The following KIAA1217 variants were observed in gnomAD, a reference collection of about 807,000 sequenced individuals.
KIAA1217 encodes the protein sickle tail protein homolog.
KIAA1217 carries 88 observed loss-of-function variants against 163.9 expected under a neutral mutation model. The ratio of observed to expected loss-of-function variants is 0.54; its 90% CI spans 0.45 to 0.64. KIAA1217 has a LOEUF of 0.64. KIAA1217 is among the 30% of genes least tolerant of loss of function. The probability of loss-of-function intolerance (pLI) is 0.00; values close to 1 mark genes in which losing one functional copy is unlikely to be tolerated. For missense variants in KIAA1217, 2,372 were observed against 2,475.0 expected (o/e 0.96, Z 0.88); for synonymous variants, 903 against 923.1 (o/e 0.98, Z 0.39).
chr10:24,189,647 A>G (rs1178702035), intron 2 of KIAA1217, among the ~76,000 whole-genome samples: 3 of 152,318 alleles, frequency 2.0e-5, no homozygotes, highest in Admixed American at 2.0e-4. Flanking sequence ...GCCTTCAGAA[A>G]TGGAGATCCA....
At chr10:24,134,783 C>T (rs981540559) in intron 2 of KIAA1217, among the ~76,000 whole-genome samples, 1 of 152,074 alleles carries the variant, frequency 6.6e-6, no homozygotes, top group Non-Finnish European at 1.5e-5. Flanking sequence ...CACTGTGTTG[C>T]CCAAGCTGAT....
intron 2 of KIAA1217, among the ~76,000 whole-genome samples, chr10:24,370,193 A>T (rs1003617552): frequency 1.4e-5 from 2 of 143,602 alleles, no homozygotes; most frequent in African/African-American, 2.6e-5. Context: ...TGAACCCGGG[A>T]GGCGGAGCCT....
chr10:23,975,390 G>A (rs1453360781), intron 1 of KIAA1217, among the ~76,000 whole-genome samples: 1 of 152,198 alleles, frequency 6.6e-6, no homozygotes, highest in East Asian at 1.9e-4. Flanking sequence ...ATTTCAACCT[G>A]CTGTCCCAGC....
At chr10:24,530,424 T>C (rs984414002) in intron 14 of KIAA1217, among the ~76,000 whole-genome samples, 1 of 152,222 alleles carries the variant, frequency 6.6e-6, no homozygotes, top group Non-Finnish European at 1.5e-5. Flanking sequence ...GTAGCATCCG[T>C]GACCTGTAAA....
At chr10:23,730,394 A>T (rs1030374457) in intron 1 of KIAA1217, among the ~76,000 whole-genome samples, 4 of 152,196 alleles carry the variant, frequency 2.6e-5, no homozygotes, top group Non-Finnish European at 5.9e-5. Context: ...TTTGGCGAAT[A>T]CCGTACTGCC....
intron 2 of KIAA1217, among the ~76,000 whole-genome samples, chr10:24,021,715 A>G (rs545012278): frequency 6.6e-6 from 1 of 151,922 alleles, no homozygotes; most frequent in Admixed American, 6.6e-5. Context: ...CTATAAAGCT[A>G]TAGTAATCAA....
chr10:24,499,081 G>A (rs1439191145), intron 8 of KIAA1217, among the ~76,000 whole-genome samples: 2 of 152,196 alleles, frequency 1.3e-5, no homozygotes, highest in Non-Finnish European at 2.9e-5. Flanking sequence ...CTTGTTATCA[G>A]AAATGATATG....
intron 2 of KIAA1217, among the ~76,000 whole-genome samples, chr10:24,329,332 A>G (rs1414266481): frequency 6.6e-6 from 1 of 150,876 alleles, no homozygotes; most frequent in East Asian, 1.9e-4. Flanking sequence ...TATATTATAC[A>G]TAGTGTAAAT....
chr10:24,258,654 G>A lies in KIAA1217; in HGVS notation c.354+38745G>A, dbSNP rs1473898233. Among the ~76,000 whole-genome samples the A allele has an allele frequency of 6.0e-5, 9 of 150,796 alleles. No individual in the cohort carries two copies. The East Asian group carries it at 1.2e-3, about 20-fold the overall frequency. On this transcript the variant is annotated intron_variant, in intron 2 of 20. Transcript: ENST00000376454. ...GTCACCCAGGCTGGAGTGCAGTGGC[G>A]CGATCTCGGCTCATTGCAAGCTCCA...
intron 2 of KIAA1217, among the ~76,000 whole-genome samples, chr10:24,195,750 T>TA (rs2066954826): frequency 6.6e-6 from 1 of 152,222 alleles, no homozygotes; most frequent in East Asian, 1.9e-4. Context: ...TGAAATGTGC[T>TA]AAGAAAGGGA....
chr10:23,771,669 CT>C (rs5783862), intron 1 of KIAA1217, among the ~76,000 whole-genome samples: 3,284 of 152,254 alleles, frequency 0.022, 111 homozygotes, highest in African/African-American at 0.073. Flanking sequence ...CATCTTGTGG[CT>C]TTTTTGATAC....
At chr10:24,151,058 G>A (rs2064588063) in intron 2 of KIAA1217, among the ~76,000 whole-genome samples, 1 of 152,118 alleles carries the variant, frequency 6.6e-6, no homozygotes. Context: ...GACAAAGCTG[G>A]AGGAACAGAG....
At chr10:24,539,652 C>G (rs560205148) in intron 17 of KIAA1217, among the ~76,000 whole-genome samples, 1 of 152,300 alleles carries the variant, frequency 6.6e-6, no homozygotes, top group South Asian at 2.1e-4. Flanking sequence ...GAGTGCCCAA[C>G]ACTGAGTTTA....
chr10:23,893,364 TA>T (rs1300083834), intron 1 of KIAA1217, among the ~76,000 whole-genome samples: 2 of 152,104 alleles, frequency 1.3e-5, no homozygotes, highest in African/African-American at 4.8e-5. Flanking sequence ...TTATTGCATC[TA>T]TTTGATTCTT....
chr10:23,713,079 G>C (rs1837356879), intron 1 of KIAA1217, among the ~76,000 whole-genome samples: 1 of 152,106 alleles, frequency 6.6e-6, no homozygotes, highest in African/African-American at 2.4e-5. Flanking sequence ...ATGGAAAAGA[G>C]CTGGGGAGGA....
intron 2 of KIAA1217, among the ~76,000 whole-genome samples, chr10:24,200,677 G>A (rs1032858236): frequency 2.0e-5 from 3 of 152,132 alleles, no homozygotes; most frequent in Non-Finnish European, 4.4e-5. Context: ...TTCGAATTCT[G>A]TAAAGGAGAA....
intron 2 of KIAA1217, among the ~76,000 whole-genome samples, chr10:24,271,860 C>A (rs542402114): frequency 3.9e-5 from 6 of 152,182 alleles, no homozygotes; most frequent in Admixed American, 3.9e-4. Flanking sequence ...TTGGTCCCAG[C>A]CTCTTCAAAT....
At chr10:23,778,787 T>C (rs971496332) in intron 1 of KIAA1217, among the ~76,000 whole-genome samples, 3 of 152,216 alleles carry the variant, frequency 2.0e-5, no homozygotes, top group Non-Finnish European at 2.9e-5. Flanking sequence ...GGATTGTTCA[T>C]TGGCAATAAA....
At chr10:23,707,826 AT>A (rs1290932853) in intron 1 of KIAA1217, among the ~76,000 whole-genome samples, 1 of 152,166 alleles carries the variant, frequency 6.6e-6, no homozygotes, top group African/African-American at 2.4e-5. Flanking sequence ...AGGAAATGTC[AT>A]TCACGATTTC....
Sources: gnomAD v4.1 joint callset for allele counts (sites outside exome capture counted in the v4.1 genomes callset) on GRCh38, gnomAD v4.1.1 for gene constraint, MANE v1.5 for transcripts, NCBI Gene and HGNC (gene_info 2026-07-23, HGNC 2026-07-21) for gene names.